The following CNTN6 variants were observed in gnomAD, a reference collection of about 807,000 sequenced individuals.
CNTN6 encodes contactin-6.
Under a neutral mutation model 122.8 loss-of-function variants are expected in CNTN6, and 137 were observed. The observed-to-expected ratio is 1.12, with a 90% CI of 0.97 to 1.29. CNTN6 has a LOEUF of 1.29. Among genes scored for constraint, CNTN6 ranks in the 50% most tolerant of loss-of-function variants. CNTN6 has a pLI of 0.00. For synonymous variants in CNTN6, 570 were observed against 426.0 expected (o/e 1.34, Z -4.16); for missense variants, 1,634 against 1,223.4 (o/e 1.34, Z -5.01).
At chr3:1,228,703 C>G (rs746978119) in intron 4 of CNTN6, among the ~76,000 whole-genome samples, 1 of 152,126 alleles carries the variant, frequency 6.6e-6, no homozygotes, top group Non-Finnish European at 1.5e-5. Flanking sequence ...TTGCACCAAC[C>G]ATTATGTCCC....
Position 1,384,780 on chromosome 3 carries a change from T to TACATATATACACACACACAC in CNTN6, c.2518-830_2518-829insCATATATACACACACACACA, listed in dbSNP as rs1559990213. Among the ~76,000 whole-genome samples the TACATATATACACACACACAC allele has an allele frequency of 3.0e-3, 389 of 130,408 alleles. 6 individuals are homozygous for TACATATATACACACACACAC. Among genetic ancestry groups the TACATATATACACACACACAC allele is most frequent in the African/African-American group, 0.011 (365 of 32,314 alleles). 85.6% of individuals were successfully genotyped at this position (130,408 alleles called of 152,430 possible). Reference sequence around the variant, plus strand: ...ATATACATATATATACACATATATATATATATATATATATATACACACACA... The same window carrying TACATATATACACACACACAC: ...ATATACATATATATACACATATATATACATATATACACACACACACATATATATATATATATACACACACA... On this transcript the variant is annotated intron_variant, in intron 19 of 22. Coordinates refer to ENST00000446702, the MANE Select transcript of CNTN6 (RefSeq NM_001289080.2).
intron 1 of CNTN6, among the ~76,000 whole-genome samples, chr3:1,143,255 A>G (rs1283579528): frequency 6.6e-6 from 1 of 152,042 alleles, no homozygotes; most frequent in African/African-American, 2.4e-5. Context: ...TCTTTCCTTG[A>G]AGTGTTTGAA....
chr3:1,158,808 A>G (rs539253053), intron 2 of CNTN6, among the ~76,000 whole-genome samples: 2 of 39,292 alleles, frequency 5.1e-5, no homozygotes, highest in Non-Finnish European at 1.5e-4. Context: ...ATATACACAC[A>G]TATATATACA....
intron 1 of CNTN6, among the ~76,000 whole-genome samples, chr3:1,111,221 G>T (rs1363037804): frequency 6.6e-6 from 1 of 152,124 alleles, no homozygotes; most frequent in Non-Finnish European, 1.5e-5. Flanking sequence ...GTCCCCTGGG[G>T]CCATATAGTG....
chr3:1,199,779 T>C (rs549719739), intron 2 of CNTN6, among the ~76,000 whole-genome samples: 78 of 152,198 alleles, frequency 5.1e-4, no homozygotes, highest in Non-Finnish European at 9.4e-4. Context: ...TTTTCTATTA[T>C]CACTTGTGTT....
chr3:1,352,360 T>C lies in CNTN6; in HGVS notation c.1401T>C (p.Tyr467=). Residue 467 remains tyrosine, a synonymous_variant, in exon 12 of 23, where the codon TAT becomes TAC. Coordinates refer to ENST00000446702, the MANE Select transcript of CNTN6 (RefSeq NM_001289080.2). ...TGGAGGATGGCAGCCTCAAGATATATAATATTACCAGGTCAGATGCTGGAT... is the reference window on the plus strand; with the variant it reads ...TGGAGGATGGCAGCCTCAAGATATACAATATTACCAGGTCAGATGCTGGAT... ...FLLEDGSLKI[Y]NITRSDAGSY... is the part of the protein sequence containing the mutation. The C allele has an allele frequency of 6.4e-7, 1 of 1,574,312 alleles. No individual in the cohort carries two copies.
At chr3:1,228,828 T>C (rs1403333222) in intron 4 of CNTN6, among the ~76,000 whole-genome samples, 1 of 152,200 alleles carries the variant, frequency 6.6e-6, no homozygotes, top group Admixed American at 6.5e-5. Context: ...TATTAACAAA[T>C]ACATGACCAA....
chr3:1,228,080 A>G (rs1034628991), intron 4 of CNTN6, 87 bp downstream of exon 4: 31 of 1,294,572 alleles, frequency 2.4e-5, no homozygotes, highest in African/African-American at 1.6e-4. Context: ...AGCTTTGCCA[A>G]TGATATATTT....
At chr3:1,383,621 C>T (rs765819804) in intron 19 of CNTN6, among the ~76,000 whole-genome samples, 4 of 151,650 alleles carry the variant, frequency 2.6e-5, no homozygotes, top group Non-Finnish European at 4.4e-5. Flanking sequence ...AGACAGAATT[C>T]GAGAGTGAGC....
At chr3:1,111,020 A>G (rs75464947) in intron 1 of CNTN6, among the ~76,000 whole-genome samples, 2,979 of 152,222 alleles carry the variant, frequency 0.02, 107 homozygotes, top group African/African-American at 0.069. Context: ...CATTTTTCCT[A>G]TGTGTAAAAT....
At chr3:1,356,105 A>G (rs1706510773) in intron 12 of CNTN6, among the ~76,000 whole-genome samples, 1 of 151,828 alleles carries the variant, frequency 6.6e-6, no homozygotes, top group Non-Finnish European at 1.5e-5. Context: ...TGGAGGACTG[A>G]GATTAAAATT....
intron 2 of CNTN6, among the ~76,000 whole-genome samples, chr3:1,203,771 A>G (rs1221467178): frequency 2.0e-5 from 3 of 152,220 alleles, no homozygotes; most frequent in Non-Finnish European, 4.4e-5. Context: ...GAGTATTCTC[A>G]TCAGTTATTT....
intron 3 of CNTN6, among the ~76,000 whole-genome samples, chr3:1,226,180 C>T (rs1441718217): frequency 6.6e-6 from 1 of 152,086 alleles, no homozygotes; most frequent in African/African-American, 2.4e-5. Context: ...CACCCAACCT[C>T]TTTGAATTAA....
chr3:1,344,215 T>C lies in CNTN6; in HGVS notation c.1365-8109T>C, dbSNP rs556853856. Among the ~76,000 whole-genome samples, 52 of 152,190 alleles carry C rather than the reference T, an allele frequency of 3.4e-4. 1 individual carries two copies. The highest frequency in any genetic ancestry group is 1.2e-3 in the African/African-American group (48 of 41,534). On this transcript the variant is annotated intron_variant, in intron 11 of 22. Transcript: ENST00000446702. The stretch of plus-strand genomic sequence containing the variant: ...GCAGGAAACAGTGCTCAGTTCTGCT[T>C]CTCAGGGAGGTCCACCTGCAGGGCA...
In CNTN6 at chr3:1,366,806, A is replaced by T. The variant is rs867074887; in HGVS notation, c.1493-5493A>T. Among the ~76,000 whole-genome samples, 184 of 152,180 alleles carry T rather than the reference A, an allele frequency of 1.2e-3. 1 individual carries two copies. Among genetic ancestry groups the T allele is most frequent in the African/African-American group, 4.2e-3 (176 of 41,524 alleles). On this transcript the variant is annotated intron_variant, in intron 12 of 22. Transcript: ENST00000446702. The stretch of plus-strand genomic sequence containing the variant: ...TGGGTGGAGAGGATACAGCAGTTAA[A>T]ATGTTCTTGTCCAAGCACCTCTTCA...
Position 1,175,204 on chromosome 3 carries a change from G to A in CNTN6, c.55+27141G>A, listed in dbSNP as rs149662300. On this transcript the variant is annotated intron_variant, in intron 2 of 22. Coordinates refer to ENST00000446702, the MANE Select transcript of CNTN6 (RefSeq NM_001289080.2). ...TACCACTGCACTCCAGCCTGGGCAA[G>A]AGAGTGAGACTTTGTCTCAAAAAAA... Among the ~76,000 whole-genome samples the A allele has an allele frequency of 3.1e-3, 369 of 118,592 alleles. 3 individuals are homozygous for A. Among genetic ancestry groups the A allele is most frequent in the African/African-American group, 0.011 (346 of 30,854 alleles). The allele number at this position is 118,592 out of a possible 152,430, so 77.8% of individuals were successfully genotyped here. A position where few individuals can be genotyped will look rare whatever the true frequency, so the allele number is the denominator to read the frequency against.
chr3:1,384,564 C>G (rs1442476500), intron 19 of CNTN6, among the ~76,000 whole-genome samples: 1 of 150,090 alleles, frequency 6.7e-6, no homozygotes, highest in East Asian at 1.9e-4. Flanking sequence ...ATCACTCAAT[C>G]TTTTTCAACT....
At chr3:1,290,566 T>G (rs764327361) in intron 5 of CNTN6, among the ~76,000 whole-genome samples, 1 of 152,182 alleles carries the variant, frequency 6.6e-6, no homozygotes, top group Non-Finnish European at 1.5e-5. Flanking sequence ...TTCTTGGATC[T>G]TGTACAAGAA....
At chr3:1,289,640 C>G (rs1694942355) in intron 5 of CNTN6, among the ~76,000 whole-genome samples, 1 of 151,218 alleles carries the variant, frequency 6.6e-6, no homozygotes, top group South Asian at 2.1e-4. Flanking sequence ...GCAGAGGAGA[C>G]TGAGTTTTAT....
Sources: allele counts gnomAD v4.1 joint callset (sites outside exome capture counted in the v4.1 genomes callset), GRCh38; gene constraint gnomAD v4.1.1; transcripts MANE v1.5; gene names NCBI Gene and HGNC (gene_info 2026-07-23, HGNC 2026-07-21).